Variants in ANKRD33B observed in about 807,000 individuals in gnomAD.
ANKRD33B encodes ankyrin repeat domain 33B.
Under a neutral mutation model 21.5 loss-of-function variants are expected in ANKRD33B, and 6 were observed. That is an observed-to-expected ratio of 0.28 (90% CI 0.15 to 0.55). The LOEUF is 0.55. Among genes scored for constraint, ANKRD33B ranks in the 20% least tolerant of loss-of-function variants. ANKRD33B has a pLI of 0.94. For missense variants in ANKRD33B, 698 were observed against 747.2 expected (o/e 0.93, Z 0.77); for synonymous variants, 347 against 342.4 (o/e 1.01, Z -0.15).
At chr5:10,640,551 T>C (rs1737025289) in intron 3 of ANKRD33B, among the ~76,000 whole-genome samples, 1 of 152,240 alleles carries the variant, frequency 6.6e-6, no homozygotes, top group Non-Finnish European at 1.5e-5. Context: ...AATGAGAAAA[T>C]ATGTGTCAAG....
intron 1 of ANKRD33B, among the ~76,000 whole-genome samples, chr5:10,612,358 G>A (rs561672144): frequency 1.3e-5 from 2 of 152,330 alleles, no homozygotes; most frequent in East Asian, 3.9e-4. Flanking sequence ...GGGTGGAGAA[G>A]GCAAGGCAGC....
At position 10,652,437 on chromosome 5, in the gene ANKRD33B, G is replaced by A. The variant is rs1560991898; in HGVS notation, c.*2324G>A. The A allele has an allele frequency of 6.6e-6, 1 of 152,544 alleles. No individual in the cohort carries two copies. Among genetic ancestry groups the A allele is most frequent in the Non-Finnish European group, 1.5e-5 (1 of 68,168 alleles). The allele number at this position is 152,544 out of a possible 1,614,324, so 9.4% of individuals were successfully genotyped here. A position where few individuals can be genotyped will look rare whatever the true frequency, so the allele number is the denominator to read the frequency against. On this transcript the variant is annotated 3_prime_UTR_variant, in exon 4 of 4. Coordinates refer to ENST00000296657, the MANE Select transcript of ANKRD33B (RefSeq NM_001164440.2). The surrounding 1 kb of genome is among the most constrained non-coding windows in gnomAD (Gnocchi z 4.1). The stretch of plus-strand genomic sequence containing the variant: ...AGAATGTCTCATTGTCATTGGAACA[G>A]CCAGGGTCAGGCAGCTTCTGCTCGG...
At chr5:10,649,161 A>G in intron 3 of ANKRD33B, 105 bp from the exon 4 acceptor site, 1 of 1,412,412 alleles carries the variant, frequency 7.1e-7, no homozygotes, top group Non-Finnish European at 9.3e-7. Flanking sequence ...GCTTGGGGCC[A>G]GGGGTGGGGG....
chr5:10,626,145 C>T (rs1390892798), intron 2 of ANKRD33B, among the ~76,000 whole-genome samples: 2 of 152,244 alleles, frequency 1.3e-5, no homozygotes, highest in African/African-American at 4.8e-5. Context: ...ATGTCCCGCT[C>T]CTTCCACCCT....
chr5:10,631,078 T>C (rs1477225934), intron 2 of ANKRD33B, among the ~76,000 whole-genome samples: 1 of 152,148 alleles, frequency 6.6e-6, no homozygotes, highest in Non-Finnish European at 1.5e-5. Context: ...GGGCAGTATT[T>C]TTAGGTTTTA....
intron 2 of ANKRD33B, among the ~76,000 whole-genome samples, chr5:10,620,246 G>A (rs1183086643): frequency 6.6e-6 from 1 of 152,178 alleles, no homozygotes; most frequent in Non-Finnish European, 1.5e-5. Context: ...TGCGGGCCAT[G>A]GAGGAGAGCT....
chr5:10,573,480 A>AAC (rs1553990319), intron 1 of ANKRD33B, among the ~76,000 whole-genome samples: 1 of 151,264 alleles, frequency 6.6e-6, no homozygotes, highest in African/African-American at 2.4e-5. Context: ...AAAAAAAAAA[A>AAC]AAAAAACCTC....
intron 1 of ANKRD33B, among the ~76,000 whole-genome samples, chr5:10,589,797 T>A (rs1394044261): frequency 6.6e-6 from 1 of 152,206 alleles, no homozygotes; most frequent in African/African-American, 2.4e-5. Context: ...ATATCTCTTG[T>A]CAGTTTTGGA....
intron 1 of ANKRD33B, among the ~76,000 whole-genome samples, chr5:10,569,323 G>A (rs1405405683): frequency 1.3e-5 from 2 of 152,176 alleles, no homozygotes; most frequent in Admixed American, 1.3e-4. Context: ...TAGGCTGGGC[G>A]TGGTGGCTCC....
rs536770490 is a variant in ANKRD33B at position 10,634,247 on chromosome 5, C to G, written c.497-3781C>G. ...CTCTCTTCAGTACTGAGCTCATTGT[C>G]TACACTATGTTCCAGTGACGCGATT... On this transcript the variant is annotated intron_variant, in intron 2 of 3. Coordinates refer to ENST00000296657, the MANE Select transcript of ANKRD33B (RefSeq NM_001164440.2). 3.9e-5 allele frequency among the ~76,000 whole-genome samples: 6 copies of G among 152,332 alleles called. No individual in the cohort carries two copies. In the East Asian group the frequency reaches 1.2e-3, roughly 29 times the overall value.
intron 1 of ANKRD33B, among the ~76,000 whole-genome samples, chr5:10,573,707 G>T (rs554643791): frequency 1.3e-5 from 2 of 152,270 alleles, no homozygotes; most frequent in South Asian, 4.1e-4. Context: ...GAGAGAGTGA[G>T]AGTGAGGGGG....
At position 10,649,429 on chromosome 5, in the gene ANKRD33B, T is replaced by G; in HGVS notation, c.801T>G (p.Pro267=). 2 of 1,535,352 alleles carry G rather than the reference T, an allele frequency of 1.3e-6. No homozygotes were observed. Among genetic ancestry groups the G allele is most frequent in the Non-Finnish European group, 1.7e-6 (2 of 1,146,474 alleles). Reference sequence around the variant, plus strand: ...ACCGGCCCGAGCTGCCGCCGCCCCCTGAAGCGGCGCGGAAGCCCGCGGGCT... The same window carrying G: ...ACCGGCCCGAGCTGCCGCCGCCCCCGGAAGCGGCGCGGAAGCCCGCGGGCT... The part of the protein sequence containing the change: ...EKYRPELPPP[P]EAARKPAGSK... Residue 267 remains proline, a synonymous_variant, in exon 4 of 4, where the codon CCT becomes CCG. Transcript: ENST00000296657.
At position 10,638,140 on chromosome 5, in the gene ANKRD33B, G is replaced by A. The variant is rs983815546; in HGVS notation, c.609G>A (p.Thr203=). Residue 203 remains threonine, a synonymous_variant, in exon 3 of 4, where the codon ACG becomes ACA. Coordinates refer to ENST00000296657, the MANE Select transcript of ANKRD33B (RefSeq NM_001164440.2). ...ALMKAAMQGR[T]DCIRALMLAG... is the part of the protein sequence containing the mutation. ...TGAAAGCCGCCATGCAGGGTCGAAC[G>A]GACTGCATCCGAGCCCTGATGCTAG... is the stretch of plus-strand genomic sequence containing the variant. 11 of 1,537,300 alleles carry A rather than the reference G, an allele frequency of 7.2e-6. No individual in the cohort carries two copies. Among genetic ancestry groups the A allele is most frequent in the Middle Eastern group, 1.7e-4 (1 of 6,008 alleles).
chr5:10,649,396 G>T lies in ANKRD33B; in HGVS notation c.768G>T (p.Trp256Cys), dbSNP rs1264681116. 1 of 1,535,584 alleles carries T rather than the reference G, an allele frequency of 6.5e-7. No individual in the cohort carries two copies. The highest frequency in any genetic ancestry group is 2.0e-5 in the Admixed American group (1 of 51,006). ...AGCGCCCCTGCCCGGAGCAGTTCTG[G>T]GAGAAGTACCGGCCCGAGCTGCCGC... is the stretch of plus-strand genomic sequence containing the variant. Reference protein sequence around the residue: ...LLERPCPEQFWEKYRPELPPP... With the variant: ...LLERPCPEQFCEKYRPELPPP... The change falls in exon 4 of 4, where the codon TGG (tryptophan) becomes TGT (cysteine). Residue 256 changes from tryptophan (W) to cysteine (C), a missense_variant. Coordinates refer to ENST00000296657, the MANE Select transcript of ANKRD33B (RefSeq NM_001164440.2).
At chr5:10,634,625 A>G (rs1314343612) in intron 2 of ANKRD33B, among the ~76,000 whole-genome samples, 1 of 151,408 alleles carries the variant, frequency 6.6e-6, no homozygotes, top group East Asian at 1.9e-4. Context: ...ACACCCAGCT[A>G]ATTTTTGTAT....
At position 10,584,689 on chromosome 5, in the gene ANKRD33B, C is replaced by T. The variant is rs544966674; in HGVS notation, c.366+19856C>T. On this transcript the variant is annotated intron_variant, in intron 1 of 3. Coordinates refer to ENST00000296657, the MANE Select transcript of ANKRD33B (RefSeq NM_001164440.2). Reference sequence around the variant, plus strand: ...ATTGGACAGGGGTACCTGTGCCAGGCGCTGTTCTAGGGGACAGAATGCCAG... The same window carrying T: ...ATTGGACAGGGGTACCTGTGCCAGGTGCTGTTCTAGGGGACAGAATGCCAG... 7.9e-4 allele frequency among the ~76,000 whole-genome samples: 121 copies of T among 152,288 alleles called. 1 individual carries two copies. Among genetic ancestry groups the T allele is most frequent in the Middle Eastern group, 3.4e-3 (1 of 294 alleles).
intron 2 of ANKRD33B, among the ~76,000 whole-genome samples, chr5:10,626,917 A>C (rs77300452): frequency 0.012 from 1,838 of 152,282 alleles, 28 homozygotes; most frequent in African/African-American, 0.036. Flanking sequence ...CGCAATCTTA[A>C]AGCAACCATA....
chr5:10,648,420 C>G (rs1306279157), intron 3 of ANKRD33B, among the ~76,000 whole-genome samples: 1 of 152,244 alleles, frequency 6.6e-6, no homozygotes, highest in Non-Finnish European at 1.5e-5. Flanking sequence ...GTTGTCTGGT[C>G]ATCTCTCCAT....
intron 2 of ANKRD33B, among the ~76,000 whole-genome samples, chr5:10,621,301 A>G (rs10039748): frequency 0.22 from 33,226 of 152,034 alleles, 3,877 homozygotes; most frequent in Non-Finnish European, 0.26. Context: ...CAAAATCTGG[A>G]CTCTAGCTGT....
Sources: gnomAD v4.1 joint callset for allele counts (sites outside exome capture counted in the v4.1 genomes callset) on GRCh38, gnomAD v4.1.1 for gene constraint, Gnocchi (gnomAD v3.1) non-coding constraint, MANE v1.5 for transcripts, NCBI Gene and HGNC (gene_info 2026-07-23, HGNC 2026-07-21) for gene names.